Variants in DHX35 observed in about 807,000 individuals in gnomAD.
The protein encoded by DHX35 is probable ATP-dependent RNA helicase DHX35.
A neutral mutation model predicts 99.6 loss-of-function variants in DHX35; 84 were observed. That is an observed-to-expected ratio of 0.84 (90% CI 0.71 to 1.01). The LOEUF (loss-of-function observed/expected upper bound fraction) is 1.01. DHX35 is among the 50% of genes least tolerant of loss of function. The pLI is 0.00. For synonymous variants in DHX35, 331 were observed against 316.2 expected (o/e 1.05, Z -0.50); for missense variants, 852 against 888.5 (o/e 0.96, Z 0.52).
chr20:38,984,660 A>C (rs1208664662), intron 4 of DHX35, among the ~76,000 whole-genome samples: 1 of 152,204 alleles, frequency 6.6e-6, no homozygotes, highest in East Asian at 1.9e-4. Context: ...GGAAATTAGC[A>C]CATGTATTCT....
intron 11 of DHX35, 90 bp downstream of exon 11, chr20:39,003,997 G>A (rs6101361): frequency 1.4e-6 from 2 of 1,443,772 alleles, no homozygotes; most frequent in Non-Finnish European, 9.6e-7. Context: ...CTAAACACAA[G>A]GCAGACTTCT....
At chr20:39,034,433 G>T in intron 21 of DHX35, 116 bp downstream of exon 21, 1 of 798,584 alleles carries the variant, frequency 1.3e-6, no homozygotes. Context: ...GGGGTGCATA[G>T]GGTGGAAAGG....
intron 12 of DHX35, among the ~76,000 whole-genome samples, chr20:39,008,731 C>T (rs2086656219): frequency 6.6e-6 from 1 of 152,206 alleles, no homozygotes; most frequent in Non-Finnish European, 1.5e-5. Context: ...CTACAAATTG[C>T]TTCTCAGCTG....
chr20:39,013,439 A>T (rs1255014673), intron 13 of DHX35, among the ~76,000 whole-genome samples: 3 of 152,252 alleles, frequency 2.0e-5, no homozygotes, highest in Admixed American at 1.3e-4. Context: ...ATACATAAAC[A>T]GTAATTCCAG....
Position 39,021,863 on chromosome 20 carries a change from A to G in DHX35, c.1521A>G (p.Glu507=). Residue 507 remains glutamate, a synonymous_variant, in exon 16 of 22, where the codon GAA becomes GAG. Coordinates refer to ENST00000252011, the MANE Select transcript of DHX35 (RefSeq NM_021931.4). ...CAGGAAACTTCGGCTGTTCTCAGGA[A>G]ATTCTAAGCATCGCTGCCATGATGC... is the stretch of plus-strand genomic sequence containing the variant. ...LESGNFGCSQ[E]ILSIAAMMQI... is the part of the protein sequence containing the mutation. 6.2e-7 allele frequency: 1 copy of G among 1,614,176 alleles called. No individual in the cohort carries two copies. Among genetic ancestry groups the G allele is most frequent in the Non-Finnish European group, 8.5e-7 (1 of 1,180,000 alleles).
At chr20:39,010,483 T>C in intron 13 of DHX35, 79 bp downstream of exon 13, 1 of 1,559,948 alleles carries the variant, frequency 6.4e-7, no homozygotes, top group Non-Finnish European at 8.7e-7. Context: ...TCGTAGGGCA[T>C]GCCATCTTTC....
In DHX35 at chr20:38,994,801, C is replaced by T. The variant is rs1361685986; in HGVS notation, c.583-20C>T. 6.2e-7 allele frequency: 1 copy of T among 1,604,722 alleles called. No homozygotes were observed. The highest frequency in any genetic ancestry group is 2.2e-5 in the East Asian group (1 of 44,822). On this transcript the variant is annotated intron_variant, in intron 7 of 21. Coordinates refer to ENST00000252011, the MANE Select transcript of DHX35 (RefSeq NM_021931.4). ...AAGTGTTGCACTATTATCATTATTTCCAAATGTCTTCTTTTTTAGATTCAG... is the reference window on the plus strand; with the variant it reads ...AAGTGTTGCACTATTATCATTATTTTCAAATGTCTTCTTTTTTAGATTCAG...
intron 18 of DHX35, 74 bp from the exon 19 acceptor site, chr20:39,028,344 T>C (rs1004133999): frequency 7.0e-7 from 1 of 1,433,160 alleles, no homozygotes; most frequent in Admixed American, 1.7e-5. Flanking sequence ...TGGGAGTGGA[T>C]CCTGTGCATT....
chr20:39,002,455 C>T (rs2086536218), intron 9 of DHX35, among the ~76,000 whole-genome samples: 3 of 152,116 alleles, frequency 2.0e-5, no homozygotes, highest in Admixed American at 2.0e-4. Context: ...GCGTGGGCTT[C>T]AGCACTGGGA....
At chr20:39,023,623 G>A in intron 16 of DHX35, 67 bp from the exon 17 acceptor site, 1 of 1,477,056 alleles carries the variant, frequency 6.8e-7, no homozygotes, top group Non-Finnish European at 9.5e-7. Context: ...CAAATGCTGG[G>A]ATTATAGGTG....
chr20:39,023,191 A>T (rs1188181197), intron 16 of DHX35, among the ~76,000 whole-genome samples: 3 of 152,204 alleles, frequency 2.0e-5, no homozygotes, highest in Non-Finnish European at 4.4e-5. Context: ...TGATAGGTTT[A>T]GTTTCCTGAT....
chr20:38,983,653 G>A, intron 3 of DHX35, 46 bp from the exon 4 acceptor site: 1 of 1,543,860 alleles, frequency 6.5e-7, no homozygotes, highest in Non-Finnish European at 8.9e-7. Flanking sequence ...AGATTGCTCT[G>A]CAAAAGTGGT....
At chr20:38,970,175 G>A (rs1301264388) in intron 2 of DHX35, among the ~76,000 whole-genome samples, 6 of 152,066 alleles carry the variant, frequency 3.9e-5, no homozygotes, top group African/African-American at 1.4e-4. Flanking sequence ...CTCCTGCCTC[G>A]GCCTCCCAAA....
intron 13 of DHX35, among the ~76,000 whole-genome samples, chr20:39,011,554 C>T (rs1234744632): frequency 5.3e-5 from 8 of 152,182 alleles, no homozygotes; most frequent in Non-Finnish European, 1.0e-4. Flanking sequence ...CCAGGCTGGT[C>T]TCAAACTCCT....
chr20:38,966,746 A>G (rs2085917919), intron 1 of DHX35, among the ~76,000 whole-genome samples: 1 of 152,246 alleles, frequency 6.6e-6, no homozygotes, highest in South Asian at 2.1e-4. Flanking sequence ...TACAAAAGAC[A>G]TGTTAAAATA....
chr20:39,034,626 C>T (rs1182229812), intron 21 of DHX35, among the ~76,000 whole-genome samples: 1 of 151,454 alleles, frequency 6.6e-6, no homozygotes, highest in African/African-American at 2.4e-5. Context: ...CTCACTCTGC[C>T]GCCCAGGCTG....
chr20:38,985,014 G>A (rs2086228848), intron 4 of DHX35, among the ~76,000 whole-genome samples: 1 of 151,994 alleles, frequency 6.6e-6, no homozygotes, highest in Non-Finnish European at 1.5e-5. Context: ...TGGCGTTGAG[G>A]ATCACTGTGT....
At chr20:38,973,867 C>T (rs2086038177) in intron 3 of DHX35, among the ~76,000 whole-genome samples, 1 of 152,244 alleles carries the variant, frequency 6.6e-6, no homozygotes. Context: ...TGGCCCTTTA[C>T]AGAAATGTAA....
intron 12 of DHX35, among the ~76,000 whole-genome samples, chr20:39,007,024 A>G (rs1017837144): frequency 1.3e-5 from 2 of 152,202 alleles, no homozygotes; most frequent in African/African-American, 2.4e-5. Flanking sequence ...CATTTTCCCC[A>G]GTTGTCCAGA....
Sources: gnomAD v4.1 joint callset for allele counts (sites outside exome capture counted in the v4.1 genomes callset) on GRCh38, gnomAD v4.1.1 for gene constraint, MANE v1.5 for transcripts, NCBI Gene and HGNC (gene_info 2026-07-23, HGNC 2026-07-21) for gene names.